The following TBC1D5 variants were observed in gnomAD, a reference collection of about 807,000 sequenced individuals.
TBC1D5 encodes the protein TBC1 domain family member 5.
TBC1D5 carries 75 observed loss-of-function variants against 100.3 expected under a neutral mutation model. That is an observed-to-expected ratio of 0.75 (90% CI 0.62 to 0.91). TBC1D5 has a LOEUF of 0.91. TBC1D5 is among the 40% of genes least tolerant of loss of function. TBC1D5 has a pLI of 0.00. For synonymous variants in TBC1D5, 323 were observed against 325.6 expected, an observed-to-expected ratio of 0.99 and a Z score of 0.09; for missense variants, 910 against 942.4, an observed-to-expected ratio of 0.97 and a Z score of 0.45.
intron 2 of TBC1D5, among the ~76,000 whole-genome samples, chr3:17,544,249 A>G (rs2096390147): frequency 6.6e-6 from 1 of 152,194 alleles, no homozygotes; most frequent in Non-Finnish European, 1.5e-5. Context: ...CGACTGTTGT[A>G]GACAAAAGAC....
intron 1 of TBC1D5, chr3:17,705,961 C>G: frequency 1.5e-6 from 2 of 1,362,764 alleles, no homozygotes; most frequent in Non-Finnish European, 2.0e-6. Context: ...TCCCGGGCGG[C>G]GCTCCTCAGC....
At chr3:17,325,652 T>C (rs2086011759) in intron 13 of TBC1D5, among the ~76,000 whole-genome samples, 1 of 152,108 alleles carries the variant, frequency 6.6e-6, no homozygotes, top group Non-Finnish European at 1.5e-5. Context: ...TGTATTATGC[T>C]AAGTGGAATA....
intron 3 of TBC1D5, among the ~76,000 whole-genome samples, chr3:17,497,781 G>C (rs1218757741): frequency 1.3e-5 from 2 of 152,134 alleles, no homozygotes; most frequent in African/African-American, 2.4e-5. Context: ...ATGATGCCAT[G>C]ATATAAAAGA....
At chr3:17,530,785 C>T (rs112186736) in intron 2 of TBC1D5, among the ~76,000 whole-genome samples, 18 of 152,208 alleles carry the variant, frequency 1.2e-4, no homozygotes, top group South Asian at 6.2e-4. Flanking sequence ...ATTCAACAAC[C>T]CTTCATGCTA....
At chr3:17,274,723 A>G (rs1205192845) in intron 15 of TBC1D5, among the ~76,000 whole-genome samples, 1 of 152,208 alleles carries the variant, frequency 6.6e-6, no homozygotes, top group Admixed American at 6.5e-5. Context: ...AATAAATCTG[A>G]AATACTCTCT....
At chr3:17,637,219 T>TA (rs2064042794) in intron 1 of TBC1D5, among the ~76,000 whole-genome samples, 11 of 136,132 alleles carry the variant, frequency 8.1e-5, no homozygotes, top group Admixed American at 4.3e-4. Flanking sequence ...TTTTTTTTTT[T>TA]ATTTAGTAGA....
intron 3 of TBC1D5, among the ~76,000 whole-genome samples, chr3:17,484,666 T>C (rs1402274404): frequency 6.6e-6 from 1 of 151,986 alleles, no homozygotes; most frequent in African/African-American, 2.4e-5. Flanking sequence ...AAATTTTTCA[T>C]AGAGATAGGG....
intron 14 of TBC1D5, among the ~76,000 whole-genome samples, chr3:17,293,241 C>T (rs934415205): frequency 2.6e-5 from 4 of 152,254 alleles, no homozygotes; most frequent in East Asian, 3.9e-4. Flanking sequence ...TACCTGCTGT[C>T]CTTTTTTTCT....
intron 19 of TBC1D5, among the ~76,000 whole-genome samples, chr3:17,178,235 T>G (rs907664507): frequency 6.6e-6 from 1 of 152,020 alleles, no homozygotes; most frequent in African/African-American, 2.4e-5. Context: ...CTGGCTAATT[T>G]TTTGTATTTT....
intron 8 of TBC1D5, among the ~76,000 whole-genome samples, chr3:17,392,243 A>C (rs1378699405): frequency 2.0e-5 from 3 of 152,052 alleles, no homozygotes; most frequent in Non-Finnish European, 2.9e-5. Context: ...TGATGGCATA[A>C]AATTGAATTT....
At chr3:17,335,115 A>G (rs1318396996) in intron 13 of TBC1D5, among the ~76,000 whole-genome samples, 3 of 152,190 alleles carry the variant, frequency 2.0e-5, no homozygotes, top group African/African-American at 7.2e-5. Context: ...TGAAAATGGC[A>G]AATATTAATT....
intron 1 of TBC1D5, chr3:17,672,707 T>A (rs2068084038): frequency 6.6e-6 from 1 of 152,174 alleles, no homozygotes. Context: ...TGGATCGGCC[T>A]GTAAAGACAG....
intron 3 of TBC1D5, among the ~76,000 whole-genome samples, chr3:17,490,727 T>G (rs559567264): frequency 2.0e-5 from 3 of 152,354 alleles, no homozygotes; most frequent in African/African-American, 7.2e-5. Flanking sequence ...CTTTGTAGTA[T>G]AGTTTGAAGT....
chr3:17,359,291 G>A (rs1327050611), intron 13 of TBC1D5, among the ~76,000 whole-genome samples: 2 of 152,018 alleles, frequency 1.3e-5, no homozygotes, highest in Non-Finnish European at 2.9e-5. Context: ...AGCAGCCTTT[G>A]TCAAAGCATC....
intron 2 of TBC1D5, among the ~76,000 whole-genome samples, chr3:17,573,740 A>C (rs1167240299): frequency 6.6e-6 from 1 of 152,004 alleles, no homozygotes; most frequent in Non-Finnish European, 1.5e-5. Context: ...GCACACTCTC[A>C]GGGAAGTTTC....
At chr3:17,215,990 C>T (rs966968480) in intron 17 of TBC1D5, among the ~76,000 whole-genome samples, 3 of 152,070 alleles carry the variant, frequency 2.0e-5, no homozygotes, top group African/African-American at 7.2e-5. Context: ...TTTCTGTCCT[C>T]CCAGAGTGCA....
intron 17 of TBC1D5, among the ~76,000 whole-genome samples, chr3:17,225,077 GCA>G (rs2074703533): frequency 6.6e-6 from 1 of 152,134 alleles, no homozygotes; most frequent in Admixed American, 6.5e-5. Flanking sequence ...ATGATGGAGA[GCA>G]CAGTCTACCG....
intron 1 of TBC1D5, among the ~76,000 whole-genome samples, chr3:17,733,826 G>A (rs1044283302): frequency 6.7e-6 from 1 of 150,168 alleles, no homozygotes; most frequent in African/African-American, 2.4e-5. Context: ...AAATCTAAGA[G>A]AATTAACTGA....
chr3:17,701,761 C>T (rs921238682), intron 1 of TBC1D5, among the ~76,000 whole-genome samples: 12 of 151,792 alleles, frequency 7.9e-5, no homozygotes, highest in African/African-American at 2.9e-4. Flanking sequence ...AGTAAAGATG[C>T]AGGTATATAT....
Sources: gnomAD v4.1 joint callset for allele counts (sites outside exome capture counted in the v4.1 genomes callset) on GRCh38, gnomAD v4.1.1 for gene constraint, MANE v1.5 for transcripts, NCBI Gene and HGNC (gene_info 2026-07-23, HGNC 2026-07-21) for gene names.